The following GSDME variants were observed in gnomAD, a reference collection of about 807,000 sequenced individuals.
The protein encoded by GSDME is gasdermin-E.
Under a neutral mutation model 47.5 loss-of-function variants are expected in GSDME, and 44 were observed. That is an observed-to-expected ratio of 0.93 (90% CI 0.73 to 1.19). The LOEUF (loss-of-function observed/expected upper bound fraction) is 1.19. Ranked by LOEUF, GSDME falls within the 50% of genes most tolerant of loss-of-function variation. The pLI, the probability that GSDME is intolerant of heterozygous loss-of-function variation, is 0.00. For synonymous variants in GSDME, 258 were observed against 252.8 expected (o/e 1.02, Z -0.20); for missense variants, 663 against 604.2 (o/e 1.10, Z -1.02).
At chr7:24,737,808 C>G (rs73082059) in intron 3 of GSDME, among the ~76,000 whole-genome samples, 9 of 152,138 alleles carry the variant, frequency 5.9e-5, no homozygotes, top group Admixed American at 1.3e-4. Flanking sequence ...GAGATGTATC[C>G]CAGGGATGGA....
In GSDME at chr7:24,726,705, G is replaced by C. The variant is rs1464397993; in HGVS notation, c.405-7487C>G. 6.6e-6 allele frequency among the ~76,000 whole-genome samples: 1 copy of C among 151,978 alleles called. No individual in the cohort carries two copies. Among genetic ancestry groups the C allele is most frequent in the African/African-American group, 2.4e-5 (1 of 41,348 alleles). ...CGGCATAGTCCTGGCTACTCGGGAG[G>C]CTGAGGCAGAAGAATGGCGTTAACC... On this transcript the variant is annotated intron_variant, in intron 3 of 9. Coordinates refer to ENST00000645220, the MANE Select transcript of GSDME (RefSeq NM_001127453.2). The surrounding 1 kb of genome is among the most constrained non-coding windows in gnomAD (Gnocchi z 5.6).
intron 5 of GSDME, chr7:24,710,672 T>C: frequency 2.5e-6 from 1 of 406,496 alleles, no homozygotes; most frequent in South Asian, 3.0e-5. Flanking sequence ...ATTGGAAATA[T>C]TATTTTATCC....
Position 24,744,984 on chromosome 7 carries a change from CGTGTGTG to C in GSDME, c.212-237_212-231del, listed in dbSNP as rs1420114154. On this transcript the variant is annotated intron_variant, in intron 2 of 9. Coordinates refer to ENST00000645220, the MANE Select transcript of GSDME (RefSeq NM_001127453.2). The surrounding 1 kb of genome is among the most constrained non-coding windows in gnomAD (Gnocchi z 4.5). ...GGGCACACAGTGGACCAGTGCAGCA[CGTGTGTG>C]TGTGTGTGTGTGTGTGTGTGTGTGT... 5.9e-5 allele frequency among the ~76,000 whole-genome samples: 7 copies of C among 118,998 alleles called. No individual in the cohort carries two copies. The highest frequency in any genetic ancestry group is 2.2e-4 in the African/African-American group (7 of 32,158). 78.1% of individuals were successfully genotyped at this position (118,998 alleles called of 152,430 possible).
At chr7:24,748,157 TATATATA>T (rs1790730793) in intron 2 of GSDME, among the ~76,000 whole-genome samples, 1 of 108,682 alleles carries the variant, frequency 9.2e-6, no homozygotes, top group African/African-American at 4.4e-5. Flanking sequence ...TATATATATA[TATATATA>T]TATATTTTTT....
chr7:24,710,955 C>G (rs1187651370), intron 5 of GSDME, among the ~76,000 whole-genome samples: 1 of 152,192 alleles, frequency 6.6e-6, no homozygotes, highest in Non-Finnish European at 1.5e-5. Flanking sequence ...AATACATTCT[C>G]TCTGAATCTG....
At chr7:24,722,295 T>C (rs2128054998) in intron 3 of GSDME, among the ~76,000 whole-genome samples, 1 of 152,254 alleles carries the variant, frequency 6.6e-6, no homozygotes, top group East Asian at 1.9e-4. Context: ...ACACGGAAGA[T>C]GGGGGAAATG....
At chr7:24,715,702 CAAT>C (rs761951911) in intron 5 of GSDME, 4 of 316,666 alleles carry the variant, frequency 1.3e-5, no homozygotes, top group East Asian at 1.1e-4. Context: ...AGAAAGATGA[CAAT>C]AATAACGAAA....
rs1789478258 is a variant in GSDME, at chr7:24,714,650, TA to T, written c.697+2603del. ...CAAAGACAGTGGAAGCTGGAAAAGA[TA>T]AAAGCCTTGAAATTGAAATGCAAAC... On this transcript the variant is annotated intron_variant, in intron 5 of 9. Transcript: ENST00000645220. This position sits in a 1 kb window ranked among gnomAD's most constrained non-coding sequence, Gnocchi z 5.0. Among the ~76,000 whole-genome samples, 1 of 152,092 alleles carries T rather than the reference TA, an allele frequency of 6.6e-6. No homozygotes were observed. The highest frequency in any genetic ancestry group is 2.1e-4 in the South Asian group (1 of 4,816).
chr7:24,713,946 G>A (rs1448637391), intron 5 of GSDME, among the ~76,000 whole-genome samples: 1 of 152,156 alleles, frequency 6.6e-6, no homozygotes, highest in Non-Finnish European at 1.5e-5. Context: ...ACAGAGCAAG[G>A]CCCTGTCTTT....
At chr7:24,708,344 C>T (rs1789207398) in intron 6 of GSDME, 90 bp from the exon 7 acceptor site, 1 of 1,482,258 alleles carries the variant, frequency 6.7e-7, no homozygotes, top group Non-Finnish European at 9.3e-7. Flanking sequence ...ACCTAATCGT[C>T]ATCAGTTCTT....
intron 3 of GSDME, among the ~76,000 whole-genome samples, chr7:24,740,558 T>C (rs1790455721): frequency 2.0e-5 from 3 of 152,080 alleles, no homozygotes; most frequent in African/African-American, 7.2e-5. Context: ...GTGATTATTA[T>C]ACATTGTATG....
intron 3 of GSDME, among the ~76,000 whole-genome samples, chr7:24,720,888 CAA>C (rs1789755155): frequency 6.8e-6 from 1 of 146,250 alleles, no homozygotes; most frequent in Admixed American, 6.9e-5. Flanking sequence ...GCCTGGGCAA[CAA>C]GAGCGAAACT....
At chr7:24,755,144 C>T (rs1790975235) in intron 1 of GSDME, among the ~76,000 whole-genome samples, 1 of 152,178 alleles carries the variant, frequency 6.6e-6, no homozygotes, top group South Asian at 2.1e-4. Flanking sequence ...AACTATCAGG[C>T]CCTGGTGTTG....
chr7:24,741,875 C>T (rs1790503553), intron 3 of GSDME, among the ~76,000 whole-genome samples: 1 of 152,146 alleles, frequency 6.6e-6, no homozygotes, highest in Non-Finnish European at 1.5e-5. Context: ...AGAAGTCTTC[C>T]CTTCCCGCCC....
chr7:24,767,471 C>G, the GSDME span, among the ~76,000 whole-genome samples: 1 of 139,510 alleles, frequency 7.2e-6, no homozygotes, highest in African/African-American at 2.8e-5. The surrounding 1 kb of genome is among the most constrained non-coding windows in gnomAD (Gnocchi z 5.3). Context: ...ATTCTCCTCC[C>G]TCCCCCGCCA....
chr7:24,754,000 T>G (rs1290979403), intron 1 of GSDME, among the ~76,000 whole-genome samples: 1 of 152,180 alleles, frequency 6.6e-6, no homozygotes. Flanking sequence ...GAACTCAAGT[T>G]GCCCGACACA....
In GSDME at chr7:24,728,223, T is replaced by C. The variant is rs1348874622; in HGVS notation, c.405-9005A>G. 6.6e-6 allele frequency among the ~76,000 whole-genome samples: 1 copy of C among 152,208 alleles called. No individual in the cohort carries two copies. The highest frequency in any genetic ancestry group is 2.4e-5 in the African/African-American group (1 of 41,450). On this transcript the variant is annotated intron_variant, in intron 3 of 9. Coordinates refer to ENST00000645220, the MANE Select transcript of GSDME (RefSeq NM_001127453.2). This position sits in a 1 kb window ranked among gnomAD's most constrained non-coding sequence, Gnocchi z 7.2. ...AAAGAAGAGGCCACTTTTCTGCCTCTGGACCTTTTGTCTGCAATGTGGCTG... is the reference window on the plus strand; with the variant it reads ...AAAGAAGAGGCCACTTTTCTGCCTCCGGACCTTTTGTCTGCAATGTGGCTG...
chr7:24,719,240 G>A (rs778475292), intron 3 of GSDME, 22 bp from the exon 4 acceptor site: 1 of 1,604,830 alleles, frequency 6.2e-7, no homozygotes, highest in Non-Finnish European at 8.5e-7. Flanking sequence ...AAACGGATGT[G>A]AGTGGCTTAG....
chr7:24,766,212 T>C, the GSDME span, among the ~76,000 whole-genome samples: 12 of 137,806 alleles, frequency 8.7e-5, no homozygotes, highest in East Asian at 2.3e-4. This position sits in a 1 kb window ranked among gnomAD's most constrained non-coding sequence, Gnocchi z 4.2. Flanking sequence ...TGTGTGTGTG[T>C]GTGCATGTTT....
Sources: allele counts gnomAD v4.1 joint callset (sites outside exome capture counted in the v4.1 genomes callset), GRCh38; gene constraint gnomAD v4.1.1; non-coding constraint Gnocchi (gnomAD v3.1); transcripts MANE v1.5; gene names NCBI Gene and HGNC (gene_info 2026-07-23, HGNC 2026-07-21).